The following IKZF2 variants were observed in gnomAD, a reference collection of about 807,000 sequenced individuals.
IKZF2 encodes the protein zinc finger protein Helios.
In IKZF2, 15 loss-of-function variants were observed where a neutral mutation model predicts 49.2. The observed-to-expected ratio is 0.30, with a 90% CI of 0.20 to 0.47. IKZF2 has a LOEUF of 0.47. Ranked by LOEUF, IKZF2 falls within the 20% of genes least tolerant of loss-of-function variation. The probability of loss-of-function intolerance (pLI) is 1.00; values close to 1 mark genes in which losing one functional copy is unlikely to be tolerated. For synonymous variants in IKZF2, 227 were observed against 221.4 expected (o/e 1.03, Z -0.23); for missense variants, 567 against 664.6 (o/e 0.85, Z 1.61).
chr2:213,007,897 G>A lies in IKZF2; in HGVS notation c.1044C>T (p.Ala348=), dbSNP rs1317393040. 1 of 1,613,332 alleles carries A rather than the reference G, an allele frequency of 6.2e-7. No individual in the cohort carries two copies. Among genetic ancestry groups the A allele is most frequent in the Non-Finnish European group, 8.5e-7 (1 of 1,179,720 alleles). The change falls in exon 9 of 9, where the codon GCC becomes GCT. Residue 348 remains alanine (A), a synonymous_variant. Coordinates refer to ENST00000434687, the MANE Select transcript of IKZF2 (RefSeq NM_001387220.1). The part of the protein sequence containing the change: ...QHPPSTIAEV[A]PVISSAYSQV... ...GAGAATAAGCTGAGCTTATAACTGG[G>A]GCCACTTCAGCGATTGTGCTTGGCG...
intron 6 of IKZF2, among the ~76,000 whole-genome samples, chr2:213,045,465 G>A (rs1196223452): frequency 6.6e-6 from 1 of 152,094 alleles, no homozygotes; most frequent in Non-Finnish European, 1.5e-5. Context: ...TTACCTTAAG[G>A]CTAGGTCAAC....
At chr2:213,135,430 T>C (rs1469758498) in intron 4 of IKZF2, among the ~76,000 whole-genome samples, 1 of 152,116 alleles carries the variant, frequency 6.6e-6, no homozygotes, top group African/African-American at 2.4e-5. Flanking sequence ...CTCACACCTG[T>C]AAACTCAGCT....
rs1346331695 is a variant in IKZF2, at chr2:213,006,558, A to T, written c.*802T>A. The T allele has an allele frequency of 6.6e-6, 1 of 152,478 alleles. No homozygotes were observed. Among genetic ancestry groups the T allele is most frequent in the African/African-American group, 2.4e-5 (1 of 41,450 alleles). The allele number at this position is 152,478 out of a possible 1,614,324, so 9.4% of individuals were successfully genotyped here. On this transcript the variant is annotated 3_prime_UTR_variant, in exon 9 of 9. Transcript: ENST00000434687. Reference sequence around the variant, plus strand: ...TATTGACTGCCTTTTATCCACTCTTAGACCATATGTTATTCTGAAAACTAC... The same window carrying T: ...TATTGACTGCCTTTTATCCACTCTTTGACCATATGTTATTCTGAAAACTAC...
chr2:213,083,081 T>C (rs991132074), intron 4 of IKZF2, among the ~76,000 whole-genome samples: 1 of 152,212 alleles, frequency 6.6e-6, no homozygotes, highest in African/African-American at 2.4e-5. Context: ...ATGAGCCATA[T>C]AGTTGAAAAG....
chr2:213,128,343 A>G (rs1271489129), intron 4 of IKZF2, among the ~76,000 whole-genome samples: 2 of 152,130 alleles, frequency 1.3e-5, no homozygotes, highest in East Asian at 3.8e-4. Context: ...TAAGGCAAGT[A>G]TTATTATTAT....
intron 7 of IKZF2, among the ~76,000 whole-genome samples, chr2:213,017,994 CAAT>C (rs933545614): frequency 1.3e-5 from 2 of 152,048 alleles, no homozygotes; most frequent in East Asian, 1.9e-4. Flanking sequence ...TGGGGGTGCC[CAAT>C]AATGCCTCTA....
chr2:213,071,479 C>T (rs935916772), intron 4 of IKZF2, among the ~76,000 whole-genome samples: 1 of 152,098 alleles, frequency 6.6e-6, no homozygotes, highest in African/African-American at 2.4e-5. Flanking sequence ...CATTCCTTCA[C>T]TCAACAAATA....
chr2:213,097,195 G>T (rs1228254063), intron 4 of IKZF2, among the ~76,000 whole-genome samples: 1 of 151,700 alleles, frequency 6.6e-6, no homozygotes, highest in Non-Finnish European at 1.5e-5. Context: ...AATCATTCTA[G>T]TTAACTATGG....
At chr2:213,072,856 G>T (rs1702854173) in intron 4 of IKZF2, among the ~76,000 whole-genome samples, 1 of 151,990 alleles carries the variant, frequency 6.6e-6, no homozygotes. Flanking sequence ...CGAAATCTAA[G>T]GCACTGGAAC....
intron 6 of IKZF2, among the ~76,000 whole-genome samples, chr2:213,046,849 G>A (rs1410419048): frequency 6.6e-6 from 1 of 152,040 alleles, no homozygotes; most frequent in Non-Finnish European, 1.5e-5. Context: ...AGGCTTACCT[G>A]GTACTTTCTC....
At chr2:213,086,163 G>A (rs1218286863) in intron 4 of IKZF2, among the ~76,000 whole-genome samples, 2 of 152,098 alleles carry the variant, frequency 1.3e-5, no homozygotes, top group Non-Finnish European at 2.9e-5. Flanking sequence ...CTAAAACACT[G>A]TACTAGTGAA....
chr2:213,064,506 T>C (rs773283241), intron 4 of IKZF2, among the ~76,000 whole-genome samples: 1 of 152,026 alleles, frequency 6.6e-6, no homozygotes, highest in Non-Finnish European at 1.5e-5. Context: ...AGCGTGCACA[T>C]CATCAAAATA....
intron 4 of IKZF2, among the ~76,000 whole-genome samples, chr2:213,106,657 G>A (rs28699213): frequency 7.1e-5 from 10 of 141,010 alleles, no homozygotes; most frequent in East Asian, 2.2e-4. Flanking sequence ...AAAAAAAAAA[G>A]AAAAAAGAAA....
chr2:213,086,786 G>A (rs1174520776), intron 4 of IKZF2, among the ~76,000 whole-genome samples: 1 of 152,096 alleles, frequency 6.6e-6, no homozygotes, highest in East Asian at 1.9e-4. Context: ...AGTGTGGAAT[G>A]GGAGTGGAGG....
chr2:213,025,233 G>A (rs1697688901), intron 6 of IKZF2, among the ~76,000 whole-genome samples: 1 of 152,082 alleles, frequency 6.6e-6, no homozygotes, highest in Non-Finnish European at 1.5e-5. Context: ...TATGTTATAT[G>A]CATCCCTTCA....
chr2:213,133,703 A>AAAAT (rs145388709), intron 4 of IKZF2, among the ~76,000 whole-genome samples: 67,707 of 145,248 alleles, frequency 0.47, 17,921 homozygotes, highest in East Asian at 0.89. Context: ...CCGTCTCGAA[A>AAAAT]AAATAAATAA....
Position 213,005,472 on chromosome 2 carries a change from C to T in IKZF2, c.*1888G>A, listed in dbSNP as rs1040117951. ...TAGCTGGTGCCTACCATTTAAATAGCAAATAGTAAGCTGGAAAATGAGTTA... is the reference window on the plus strand; with the variant it reads ...TAGCTGGTGCCTACCATTTAAATAGTAAATAGTAAGCTGGAAAATGAGTTA... On this transcript the variant is annotated 3_prime_UTR_variant, in exon 9 of 9. Coordinates refer to ENST00000434687, the MANE Select transcript of IKZF2 (RefSeq NM_001387220.1). 4 of 151,922 alleles carry T rather than the reference C, an allele frequency of 2.6e-5. No individual in the cohort carries two copies. The highest frequency in any genetic ancestry group is 9.7e-5 in the African/African-American group (4 of 41,376). 9.4% of individuals were successfully genotyped at this position (151,922 alleles called of 1,614,324 possible).
intron 4 of IKZF2, among the ~76,000 whole-genome samples, chr2:213,143,623 C>T (rs114683533): frequency 0.022 from 3,340 of 151,788 alleles, 125 homozygotes; most frequent in African/African-American, 0.075. Flanking sequence ...CTAAGTATGG[C>T]GACTTAAAAC....
At chr2:213,120,942 A>T (rs1233972394) in intron 4 of IKZF2, among the ~76,000 whole-genome samples, 1 of 152,098 alleles carries the variant, frequency 6.6e-6, no homozygotes, top group African/African-American at 2.4e-5. Context: ...GGGTTTTGCC[A>T]TGTTGCCCAA....
Sources: allele counts gnomAD v4.1 joint callset (sites outside exome capture counted in the v4.1 genomes callset), GRCh38; gene constraint gnomAD v4.1.1; transcripts MANE v1.5; gene names NCBI Gene and HGNC (gene_info 2026-07-23, HGNC 2026-07-21).